ATG4A: variants seen among roughly 807,000 people sequenced by gnomAD.
The protein encoded by ATG4A is cysteine protease ATG4A.
Under a neutral mutation model 38.4 loss-of-function variants are expected in ATG4A, and 22 were observed. That is an observed-to-expected ratio of 0.57 (90% CI 0.41 to 0.82). The LOEUF (loss-of-function observed/expected upper bound fraction) is 0.82, where lower values mean the gene tolerates loss of function less well. ATG4A is among the 40% of genes least tolerant of loss of function. The probability of loss-of-function intolerance (pLI) is 0.00; values close to 1 mark genes in which losing one functional copy is unlikely to be tolerated. For synonymous variants in ATG4A, 86 were observed against 100.7 expected, an observed-to-expected ratio of 0.85 and a Z score of 0.88; for missense variants, 220 against 290.0, an observed-to-expected ratio of 0.76 and a Z score of 1.75.
chrX:108,092,149 C>T (rs998082398), intron 1 of ATG4A, among the ~76,000 whole-genome samples: 10 of 110,983 alleles, frequency 9.0e-5, no homozygotes, highest in African/African-American at 3.3e-4. Flanking sequence ...GGACAGGGTT[C>T]TACCACAGCA....
At chrX:108,108,140 T>A (rs2032237038) in intron 1 of ATG4A, among the ~76,000 whole-genome samples, 1 of 101,396 alleles carries the variant, frequency 9.9e-6, no homozygotes, top group African/African-American at 3.6e-5. Context: ...TGGCTAGAGA[T>A]AGCCAGTTTT....
intron 9 of ATG4A, among the ~76,000 whole-genome samples, chrX:108,142,965 C>A (rs1360434513): frequency 9.0e-6 from 1 of 111,717 alleles, no homozygotes; most frequent in Non-Finnish European, 1.9e-5. Flanking sequence ...CATACATCAT[C>A]TTCAGATAAA....
intron 1 of ATG4A, 123 bp downstream of exon 1, chrX:108,091,959 G>A (rs1225934342): frequency 3.6e-6 from 4 of 1,097,628 alleles, no homozygotes; most frequent in East Asian, 6.5e-5. Context: ...AGAGCCTAAA[G>A]GTCCTGTCCC....
chrX:108,093,390 C>T (rs2031699985), intron 1 of ATG4A, among the ~76,000 whole-genome samples: 1 of 112,135 alleles, frequency 8.9e-6, no homozygotes, highest in African/African-American at 3.2e-5. Context: ...TAGTATGTAT[C>T]AGTACTTCCT....
chrX:108,126,210 T>C, intron 2 of ATG4A, 23 bp downstream of exon 2: 1 of 1,117,102 alleles, frequency 9.0e-7, no homozygotes, highest in Non-Finnish European at 1.2e-6. Context: ...AGCATTTGTC[T>C]GTAAGAACCC....
At chrX:108,094,808 G>A (rs1015967338) in intron 1 of ATG4A, among the ~76,000 whole-genome samples, 1 of 112,396 alleles carries the variant, frequency 8.9e-6, no homozygotes, top group Non-Finnish European at 1.9e-5. Context: ...CTGCTCAATT[G>A]CACAGTTAAA....
At chrX:108,118,630 C>T (rs904682147) in intron 1 of ATG4A, among the ~76,000 whole-genome samples, 3 of 111,610 alleles carry the variant, frequency 2.7e-5, no homozygotes, top group Admixed American at 9.5e-5. Flanking sequence ...CATGCCACCT[C>T]TTTCATCTCA....
intron 1 of ATG4A, among the ~76,000 whole-genome samples, chrX:108,121,553 C>T (rs1430763174): frequency 9.0e-6 from 1 of 111,289 alleles, no homozygotes; most frequent in African/African-American, 3.3e-5. Context: ...TTTCGGTGTT[C>T]CCTCAATCAG....
chrX:108,091,541 T>C (rs769613424), upstream of ATG4A: 1 of 1,194,077 alleles, frequency 8.4e-7, no homozygotes, highest in Non-Finnish European at 1.1e-6. Flanking sequence ...CAGCAACTAC[T>C]TGTCGCGCGA....
chrX:108,135,161 T>G (rs1035435189), intron 6 of ATG4A, among the ~76,000 whole-genome samples: 1 of 112,152 alleles, frequency 8.9e-6, no homozygotes, highest in African/African-American at 3.2e-5. Flanking sequence ...TAACAACCTA[T>G]CACTGGATGG....
intron 9 of ATG4A, among the ~76,000 whole-genome samples, chrX:108,148,517 TACAC>T (rs368317060): frequency 0.028 from 2,645 of 94,459 alleles, 56 homozygotes; most frequent in East Asian, 0.11. Context: ...TCCATGCACA[TACAC>T]ACACACACAC....
At chrX:108,113,006 G>A (rs1172356769) in intron 1 of ATG4A, among the ~76,000 whole-genome samples, 1 of 110,801 alleles carries the variant, frequency 9.0e-6, no homozygotes, top group Non-Finnish European at 1.9e-5. Flanking sequence ...GCTTGTAGTC[G>A]ATCAAGGCTT....
chrX:108,117,852 G>C (rs771855626), intron 1 of ATG4A, among the ~76,000 whole-genome samples: 2 of 112,221 alleles, frequency 1.8e-5, no homozygotes, highest in East Asian at 5.6e-4. Context: ...TTACATTTTT[G>C]CACCTGTCTT....
At chrX:108,111,460 T>C (rs1245239403) in intron 1 of ATG4A, among the ~76,000 whole-genome samples, 1 of 112,052 alleles carries the variant, frequency 8.9e-6, no homozygotes, top group African/African-American at 3.2e-5. Context: ...TCTTTATTCA[T>C]TATTATGAAA....
In ATG4A at chrX:108,128,770, T is replaced by G; in HGVS notation, c.122-11T>G. On this transcript the variant is annotated splice_polypyrimidine_tract_variant and intron_variant, in intron 2 of 12. Coordinates refer to ENST00000372232, the MANE Select transcript of ATG4A (RefSeq NM_052936.5). ...ATGGTGATTTAATTTTAATTTTACA[T>G]TTAATTACAGAAAAATCTAAGCTGT... 8.8e-7 allele frequency: 1 copy of G among 1,140,812 alleles called. No individual in the cohort carries two copies. 94.0% of individuals were successfully genotyped at this position (1,140,812 alleles called of 1,213,427 possible).
intron 1 of ATG4A, among the ~76,000 whole-genome samples, chrX:108,117,144 A>G (rs1005865783): frequency 1.8e-5 from 2 of 110,328 alleles, no homozygotes; most frequent in Non-Finnish European, 3.8e-5. Context: ...TTGGATGGAC[A>G]TATAAACCAG....
chrX:108,104,629 C>A (rs2032117212), intron 1 of ATG4A, among the ~76,000 whole-genome samples: 1 of 111,602 alleles, frequency 9.0e-6, no homozygotes, highest in African/African-American at 3.3e-5. Flanking sequence ...GTGTGGATTT[C>A]TTTGGGTTCA....
Position 108,153,208 on chromosome X carries a change from T to TA in ATG4A, c.1126+128dup, listed in dbSNP as rs773694037. On this transcript the variant is annotated intron_variant, in intron 12 of 12. Coordinates refer to ENST00000372232, the MANE Select transcript of ATG4A (RefSeq NM_052936.5). The stretch of plus-strand genomic sequence containing the variant: ...TAAAATTTCTACTCAGCTGGAGTGA[T>TA]AAAAAAATGGCACTTCTGGTTATTT... 245 of 482,402 alleles carry TA rather than the reference T, an allele frequency of 5.1e-4. 1 individual carries two copies. Among genetic ancestry groups the TA allele is most frequent in the Non-Finnish European group, 7.8e-4 (222 of 286,210 alleles). 39.8% of individuals were successfully genotyped at this position (482,402 alleles called of 1,213,427 possible). A position where few individuals can be genotyped will look rare whatever the true frequency, so the allele number is the denominator to read the frequency against.
At chrX:108,126,874 C>T in intron 2 of ATG4A, 15 of 695,381 alleles carry the variant, frequency 2.2e-5, no homozygotes, top group Non-Finnish European at 2.2e-5. Context: ...AGAGGCAGCT[C>T]TGAGATTTGT....
Sources: gnomAD v4.1 joint callset for allele counts (sites outside exome capture counted in the v4.1 genomes callset) on GRCh38, gnomAD v4.1.1 for gene constraint, MANE v1.5 for transcripts, NCBI Gene and HGNC (gene_info 2026-07-23, HGNC 2026-07-21) for gene names.